Variants in MITD1 observed in about 807,000 individuals in gnomAD.
The protein encoded by MITD1 is microtubule interacting and trafficking domain containing 1, also known as MIT domain-containing protein 1.
In MITD1, 24 loss-of-function variants were observed where a neutral mutation model predicts 34.9. That is an observed-to-expected ratio of 0.69 (90% CI 0.50 to 0.97). The LOEUF is 0.97. Ranked by LOEUF, MITD1 falls within the 50% of genes least tolerant of loss-of-function variation. MITD1 has a pLI of 0.00. For synonymous variants in MITD1, 102 were observed against 101.4 expected, an observed-to-expected ratio of 1.01 and a Z score of -0.04; for missense variants, 266 against 294.6, an observed-to-expected ratio of 0.90 and a Z score of 0.71.
rs1337006934 is a variant in MITD1, at chr2:99,162,261, G to A, written c.*4-43C>T. 3.1e-6 allele frequency: 5 copies of A among 1,613,232 alleles called. No homozygotes were observed. The highest frequency in any genetic ancestry group is 3.4e-6 in the Non-Finnish European group (4 of 1,179,930). Reference sequence around the variant, plus strand: ...TATAAAACTGGCTCGGAGAAGAAGTGGAGGAGGAACAGTCTACCATGATAT... The same window carrying A: ...TATAAAACTGGCTCGGAGAAGAAGTAGAGGAGGAACAGTCTACCATGATAT... On this transcript the variant is annotated intron_variant, in intron 7 of 7. Coordinates refer to the MITD1 transcript ENST00000422537.
chr2:99,166,605 C>T (rs1559174642), downstream of MITD1, among the ~76,000 whole-genome samples: 1 of 151,080 alleles, frequency 6.6e-6, no homozygotes, highest in East Asian at 1.9e-4. Context: ...TGCAGTACAG[C>T]AGGAGAGATT....
At position 99,162,983 on chromosome 2, in the gene MITD1, C is replaced by A. The variant is rs765390612; in HGVS notation, c.*4-765G>T. ...GTAAGTTTTGCCCAACTGAAACTACCATGCTAACAAATATATTACTTAGAA... is the reference window on the plus strand; with the variant it reads ...GTAAGTTTTGCCCAACTGAAACTACAATGCTAACAAATATATTACTTAGAA... On this transcript the variant is annotated intron_variant, in intron 7 of 7. Coordinates refer to the MITD1 transcript ENST00000422537. The A allele has an allele frequency of 1.1e-5, 17 of 1,613,270 alleles. 1 individual carries two copies. The East Asian group carries it at 2.0e-4, about 19-fold the overall frequency.
Position 99,169,318 on chromosome 2 carries a change from T to A in MITD1, c.*57A>T. On this transcript the variant is annotated 3_prime_UTR_variant, in exon 7 of 7. Coordinates refer to ENST00000289359, the MANE Select transcript of MITD1 (RefSeq NM_138798.3). ...TTCATACATTATAAAAGTGATCTTTTAAAAAAAATCCAATATTCACTTAAA... is the reference window on the plus strand; with the variant it reads ...TTCATACATTATAAAAGTGATCTTTAAAAAAAAATCCAATATTCACTTAAA... The A allele has an allele frequency of 1.1e-5, 9 of 855,800 alleles. No homozygotes were observed. The highest frequency in any genetic ancestry group is 1.7e-5 in the Non-Finnish European group (9 of 538,682). The allele number at this position is 855,800 out of a possible 1,614,324, so 53.0% of individuals were successfully genotyped here. A position where few individuals can be genotyped will look rare whatever the true frequency, so the allele number is the denominator to read the frequency against.
At position 99,163,141 on chromosome 2, in the gene MITD1, T is replaced by C; in HGVS notation, c.*4-923A>G. The C allele has an allele frequency of 6.8e-6, 8 of 1,184,762 alleles. No individual in the cohort carries two copies. In the South Asian group the frequency reaches 1.2e-4, roughly 17 times the overall value. The allele number at this position is 1,184,762 out of a possible 1,614,324, so 73.4% of individuals were successfully genotyped here. ...AATAAAATGTCTCATACTTGCACAT[T>C]GTATGTCAAAAAAAAACCTAGTCTC... On this transcript the variant is annotated intron_variant, in intron 7 of 7. Transcript: ENST00000422537.
chr2:99,169,433 CT>C lies in MITD1; in HGVS notation c.691del (p.Arg231AspfsTer8). 2 of 1,117,328 alleles carry C rather than the reference CT, an allele frequency of 1.8e-6. No individual in the cohort carries two copies. Among genetic ancestry groups the C allele is most frequent in the Non-Finnish European group, 2.6e-6 (2 of 778,394 alleles). 69.2% of individuals were successfully genotyped at this position (1,117,328 alleles called of 1,614,324 possible). On this transcript the variant is annotated frameshift_variant, in exon 7 of 7. Coordinates refer to ENST00000289359, the MANE Select transcript of MITD1 (RefSeq NM_138798.3). LOFTEE classifies it high-confidence loss of function. ...FSLGYCDFDL[R>X]PCHETTVDIF... is the part of the protein sequence containing the mutation. ...GTCTACTGTTGTTTCATGACATGGT[CT>C]TAAATCAAAATCACAATATCCAAGG...
intron 5 of MITD1, 132 bp from the exon 6 acceptor site, chr2:99,169,742 A>G: frequency 3.1e-6 from 2 of 636,768 alleles, no homozygotes; most frequent in Non-Finnish European, 5.5e-6. Flanking sequence ...CATGAGTTGA[A>G]TCAAACCTGG....
chr2:99,176,157 GC>G (rs2093885346), intron 1 of MITD1, among the ~76,000 whole-genome samples: 8 of 152,088 alleles, frequency 5.3e-5, no homozygotes, highest in Admixed American at 5.2e-4. Context: ...TCACCATGTT[GC>G]CCAGGCTAGT....
intron 2 of MITD1, chr2:99,173,060 C>T (rs1279605672): frequency 1.9e-5 from 3 of 155,540 alleles, no homozygotes; most frequent in Non-Finnish European, 4.3e-5. Context: ...TACTCAAAAC[C>T]ACAATGCTGG....
At chr2:99,163,162 GTC>G in intron 7 of MITD1, 2 of 725,988 alleles carry the variant, frequency 2.8e-6, no homozygotes, top group Non-Finnish European at 4.0e-6. Flanking sequence ...AAAAAACCTA[GTC>G]TCTTTTAGTA....
In MITD1 at chr2:99,179,897, C is replaced by G. The variant is rs375961402; in HGVS notation, c.151+934G>C. Among the ~76,000 whole-genome samples, 25 of 152,190 alleles carry G rather than the reference C, an allele frequency of 1.6e-4. 1 individual carries two copies. In the East Asian group the frequency reaches 4.4e-3, roughly 27 times the overall value. ...TTGTAGTTCTGACCAAAGCACCAAA[C>G]CATAAAGGGCTCCCCTCTGCTGCCC... On this transcript the variant is annotated intron_variant, in intron 1 of 6. Coordinates refer to ENST00000289359, the MANE Select transcript of MITD1 (RefSeq NM_138798.3).
intron 7 of MITD1, among the ~76,000 whole-genome samples, chr2:99,163,525 A>C (rs1191640355): frequency 6.6e-6 from 1 of 151,878 alleles, no homozygotes; most frequent in Non-Finnish European, 1.5e-5. Flanking sequence ...ACAGGGTTTC[A>C]CTGTGTTGGC....
chr2:99,163,118 TA>T, intron 7 of MITD1: 1 of 1,360,590 alleles, frequency 7.3e-7, no homozygotes, highest in Non-Finnish European at 9.7e-7. Context: ...AATTAGAAAA[TA>T]AAATGTCTCA....
chr2:99,165,772 A>G (rs898938740), downstream of MITD1, among the ~76,000 whole-genome samples: 8 of 152,186 alleles, frequency 5.3e-5, no homozygotes, highest in Non-Finnish European at 1.0e-4. Flanking sequence ...ACGTGGGCAC[A>G]TGACTTAAGC....
At chr2:99,168,830 A>G (rs888076028), downstream of MITD1, among the ~76,000 whole-genome samples, 3 of 151,392 alleles carry the variant, frequency 2.0e-5, no homozygotes, top group African/African-American at 7.3e-5. Context: ...CCCAGGCTAG[A>G]GTGCAGTGGT....
chr2:99,164,686 A>T (rs1217837050), downstream of MITD1, among the ~76,000 whole-genome samples: 1 of 152,140 alleles, frequency 6.6e-6, no homozygotes, highest in Admixed American at 6.5e-5. Context: ...TTTAATGGGC[A>T]GGTCCTTTTG....
At chr2:99,178,367 A>G (rs967446106) in intron 1 of MITD1, 1 of 152,222 alleles carries the variant, frequency 6.6e-6, no homozygotes, top group Non-Finnish European at 1.5e-5. Context: ...TCTACTTTAC[A>G]TCCTTGCCAT....
chr2:99,164,838 T>TA (rs1313629978), downstream of MITD1, among the ~76,000 whole-genome samples: 1 of 150,254 alleles, frequency 6.7e-6, no homozygotes, highest in African/African-American at 2.4e-5. Context: ...GGTGCAGTAA[T>TA]ACCATGTTTC....
At chr2:99,167,147 C>A (rs1442638937), downstream of MITD1, among the ~76,000 whole-genome samples, 1 of 151,800 alleles carries the variant, frequency 6.6e-6, no homozygotes, top group Non-Finnish European at 1.5e-5. Flanking sequence ...ATTTATTTGC[C>A]CATGCCTATG....
intron 1 of MITD1, 27 bp downstream of exon 1, chr2:99,180,804 T>C: frequency 6.2e-7 from 1 of 1,600,400 alleles, no homozygotes; most frequent in Admixed American, 1.7e-5. Context: ...TTTCCTCAGG[T>C]CCTCCCCGCC....
Sources: allele counts gnomAD v4.1 joint callset (sites outside exome capture counted in the v4.1 genomes callset), GRCh38; gene constraint gnomAD v4.1.1; transcripts MANE v1.5; gene names NCBI Gene and HGNC (gene_info 2026-07-23, HGNC 2026-07-21).